Variants in KSR2 observed in about 807,000 individuals in gnomAD.
KSR2 encodes kinase suppressor of ras 2.
A neutral mutation model predicts 107.8 loss-of-function variants in KSR2; 25 were observed. The ratio of observed to expected loss-of-function variants is 0.23; its 90% CI spans 0.17 to 0.32. The LOEUF (loss-of-function observed/expected upper bound fraction) is 0.32, where lower values mean the gene tolerates loss of function less well. Among genes scored for constraint, KSR2 ranks in the 10% least tolerant of loss-of-function variants. The probability of loss-of-function intolerance (pLI) is 1.00; values close to 1 mark genes in which losing one functional copy is unlikely to be tolerated. For missense variants in KSR2, 887 were observed against 1,268.9 expected (o/e 0.70, Z 4.57); for synonymous variants, 480 against 507.0 (o/e 0.95, Z 0.71).
At chr12:117,906,033 T>A (rs4268595) in intron 1 of KSR2, among the ~76,000 whole-genome samples, 11,831 of 149,052 alleles carry the variant, frequency 0.079, 666 homozygotes, top group East Asian at 0.18. Context: ...GTGCAAGAGA[T>A]ACAGGGATGA....
chr12:117,777,405 G>A (rs150167580), intron 3 of KSR2, among the ~76,000 whole-genome samples: 1 of 151,998 alleles, frequency 6.6e-6, no homozygotes. Context: ...GAAAAACTTA[G>A]CATTCAGTTT....
intron 9 of KSR2, among the ~76,000 whole-genome samples, chr12:117,553,239 G>C (rs116439306): frequency 2.6e-5 from 4 of 152,142 alleles, no homozygotes; most frequent in African/African-American, 7.2e-5. Flanking sequence ...AAATGGCTTC[G>C]AGATAAAAAT....
chr12:117,940,474 C>T (rs994712013), intron 1 of KSR2, among the ~76,000 whole-genome samples: 6 of 152,152 alleles, frequency 3.9e-5, no homozygotes, highest in Non-Finnish European at 4.4e-5. Context: ...GAACTTGGGA[C>T]GCCATCAGCC....
intron 5 of KSR2, among the ~76,000 whole-genome samples, chr12:117,593,634 C>G (rs577114027): frequency 6.6e-6 from 1 of 152,262 alleles, no homozygotes; most frequent in African/African-American, 2.4e-5. Context: ...GACTCTTTCC[C>G]TCTGTGCATC....
In KSR2 at chr12:117,730,789, C is replaced by T. The variant is rs376211995; in HGVS notation, c.986+30222G>A. On this transcript the variant is annotated intron_variant, in intron 4 of 19. Transcript: ENST00000339824. Reference sequence around the variant, plus strand: ...CCTCCCGAGGTGCCGGGATTGCAGACGGAGTCTCGCTCACTCAGTGCTCAA... The same window carrying T: ...CCTCCCGAGGTGCCGGGATTGCAGATGGAGTCTCGCTCACTCAGTGCTCAA... Among the ~76,000 whole-genome samples the T allele has an allele frequency of 1.6e-3, 244 of 152,340 alleles. 1 individual carries two copies. Among genetic ancestry groups the T allele is most frequent in the African/African-American group, 5.7e-3 (235 of 41,584 alleles).
chr12:117,566,881 C>G (rs192232089), intron 7 of KSR2, among the ~76,000 whole-genome samples: 3 of 152,224 alleles, frequency 2.0e-5, no homozygotes, highest in African/African-American at 7.2e-5. Flanking sequence ...CATCCTACTG[C>G]GCCCAAATTG....
At chr12:117,654,328 T>G (rs905488990) in intron 5 of KSR2, among the ~76,000 whole-genome samples, 3 of 152,142 alleles carry the variant, frequency 2.0e-5, no homozygotes, top group African/African-American at 7.2e-5. Flanking sequence ...ATGCCCATGA[T>G]CTCCACTCCT....
chr12:117,754,732 C>T (rs1439965140), intron 4 of KSR2, among the ~76,000 whole-genome samples: 2 of 152,114 alleles, frequency 1.3e-5, no homozygotes, highest in South Asian at 2.1e-4. Context: ...ACTTGGGAGG[C>T]AGAGGTTGCA....
chr12:117,669,653 A>G (rs895420889), intron 4 of KSR2, among the ~76,000 whole-genome samples: 1 of 152,078 alleles, frequency 6.6e-6, no homozygotes, highest in Non-Finnish European at 1.5e-5. Flanking sequence ...GAATAACTTG[A>G]GGCCAGGAGT....
intron 3 of KSR2, among the ~76,000 whole-genome samples, chr12:117,794,221 A>ACT (rs1268436881): frequency 1.1e-3 from 110 of 99,260 alleles, no homozygotes; most frequent in Admixed American, 1.9e-3. Context: ...CAACATGCAC[A>ACT]CACACCAACA....
intron 14 of KSR2, among the ~76,000 whole-genome samples, chr12:117,501,199 T>C (rs1873355233): frequency 6.6e-6 from 1 of 152,256 alleles, no homozygotes; most frequent in South Asian, 2.1e-4. Flanking sequence ...TAAAGTTTGA[T>C]TGGAAGACAG....
intron 1 of KSR2, among the ~76,000 whole-genome samples, chr12:117,892,998 T>A (rs997800018): frequency 1.3e-5 from 2 of 151,358 alleles, no homozygotes; most frequent in African/African-American, 4.9e-5. Flanking sequence ...AGGGGGAAAC[T>A]GGGATGAGAC....
chr12:117,899,525 T>A (rs1234790772), intron 1 of KSR2, among the ~76,000 whole-genome samples: 1 of 152,118 alleles, frequency 6.6e-6, no homozygotes, highest in Admixed American at 6.6e-5. Flanking sequence ...GAATAAAGCA[T>A]TTTTAAAAAG....
intron 3 of KSR2, among the ~76,000 whole-genome samples, chr12:117,798,818 AAAG>A (rs1187003003): frequency 2.0e-5 from 3 of 152,094 alleles, no homozygotes; most frequent in Non-Finnish European, 4.4e-5. Flanking sequence ...CAACAGCCCA[AAAG>A]AAGAAACAAC....
At chr12:117,950,756 AATAATAATAATAATG>A (rs1336189080) in intron 1 of KSR2, among the ~76,000 whole-genome samples, 1 of 147,732 alleles carries the variant, frequency 6.8e-6, no homozygotes, top group Non-Finnish European at 1.5e-5. Context: ...AAAAAATAAT[AATAATAATAATAATG>A]ATAATAATAA....
intron 5 of KSR2, among the ~76,000 whole-genome samples, chr12:117,594,272 C>G (rs1360226840): frequency 6.6e-6 from 1 of 152,274 alleles, no homozygotes; most frequent in East Asian, 1.9e-4. Context: ...ACAGACCAGA[C>G]AAGCTTGCTG....
intron 4 of KSR2, among the ~76,000 whole-genome samples, chr12:117,672,047 C>T (rs1291793954): frequency 6.6e-6 from 1 of 152,188 alleles, no homozygotes; most frequent in Non-Finnish European, 1.5e-5. Context: ...TGCTTATCTC[C>T]CCAGGGGCCC....
intron 5 of KSR2, among the ~76,000 whole-genome samples, chr12:117,637,534 G>T (rs920510843): frequency 6.6e-6 from 1 of 152,086 alleles, no homozygotes; most frequent in Non-Finnish European, 1.5e-5. Flanking sequence ...CTATTTCCAG[G>T]AGTATTTCCT....
chr12:117,559,439 A>G (rs1877953862), intron 7 of KSR2, among the ~76,000 whole-genome samples: 1 of 152,194 alleles, frequency 6.6e-6, no homozygotes, highest in Non-Finnish European at 1.5e-5. Flanking sequence ...ATACTATGTC[A>G]TTTAATCTTC....
Sources: gnomAD v4.1 joint callset for allele counts (sites outside exome capture counted in the v4.1 genomes callset) on GRCh38, gnomAD v4.1.1 for gene constraint, MANE v1.5 for transcripts, NCBI Gene and HGNC (gene_info 2026-07-23, HGNC 2026-07-21) for gene names.